CTNNA3: variants seen among roughly 807,000 people sequenced by gnomAD.
CTNNA3 encodes the protein catenin alpha 3, also known as catenin alpha-3.
Under a neutral mutation model 95.7 loss-of-function variants are expected in CTNNA3, and 76 were observed. The observed-to-expected ratio is 0.79, with a 90% CI of 0.66 to 0.96. The LOEUF is 0.96. Ranked by LOEUF, CTNNA3 falls within the 40% of genes least tolerant of loss-of-function variation. The pLI, the probability that CTNNA3 is intolerant of heterozygous loss-of-function variation, is 0.00. For missense variants in CTNNA3, 1,191 were observed against 1,089.8 expected (o/e 1.09, Z -1.31); for synonymous variants, 431 against 374.4 (o/e 1.15, Z -1.74).
In CTNNA3 at chr10:65,914,817, G is replaced by A. The variant is rs1018801284; in HGVS notation, c.*5513C>T. 2.6e-5 allele frequency: 4 copies of A among 152,058 alleles called. No individual in the cohort carries two copies. The highest frequency in any genetic ancestry group is 5.9e-5 in the Non-Finnish European group (4 of 68,004). 9.4% of individuals were successfully genotyped at this position (152,058 alleles called of 1,614,324 possible). A position where few individuals can be genotyped will look rare whatever the true frequency, so the allele number is the denominator to read the frequency against. On this transcript the variant is annotated 3_prime_UTR_variant, in exon 18 of 18. Transcript: ENST00000433211. ...ATCACGTAAATAACTTACTTCCCAT[G>A]TACCTGACACTCTACATTCAGTTAA...
At chr10:66,871,651 G>A (rs1844415674) in intron 7 of CTNNA3, among the ~76,000 whole-genome samples, 1 of 151,434 alleles carries the variant, frequency 6.6e-6, no homozygotes, top group Non-Finnish European at 1.5e-5. Flanking sequence ...TCAAAATTTG[G>A]AGATAAAAGC....
chr10:67,679,156 C>T (rs888755498), intron 1 of CTNNA3, among the ~76,000 whole-genome samples: 1 of 152,098 alleles, frequency 6.6e-6, no homozygotes, highest in African/African-American at 2.4e-5. Context: ...GGGTATATTC[C>T]ATTAAAGCAG....
At chr10:66,815,802 A>G (rs1008310151) in intron 7 of CTNNA3, among the ~76,000 whole-genome samples, 1 of 152,214 alleles carries the variant, frequency 6.6e-6, no homozygotes, top group African/African-American at 2.4e-5. Flanking sequence ...TCTCAGGAAA[A>G]GAAAAAGTGA....
chr10:66,739,394 T>C lies in CTNNA3; in HGVS notation c.1281+26870A>G, dbSNP rs1310759898. Reference sequence around the variant, plus strand: ...GCACCAAATTTCAGAATCCCTAACTTACAGCAATTCTTCCAAGGGAGCTCA... The same window carrying C: ...GCACCAAATTTCAGAATCCCTAACTCACAGCAATTCTTCCAAGGGAGCTCA... On this transcript the variant is annotated intron_variant, in intron 9 of 17. Coordinates refer to ENST00000433211, the MANE Select transcript of CTNNA3 (RefSeq NM_013266.4). 2.0e-5 allele frequency among the ~76,000 whole-genome samples: 3 copies of C among 152,180 alleles called. No individual in the cohort carries two copies. The East Asian group carries it at 5.8e-4, about 29-fold the overall frequency.
chr10:67,227,740 ACACATTTTATTCAACAG>A (rs1864993560), intron 5 of CTNNA3, among the ~76,000 whole-genome samples: 1 of 152,168 alleles, frequency 6.6e-6, no homozygotes, highest in Non-Finnish European at 1.5e-5. Flanking sequence ...ACCACAAAAT[ACACATTTTATTCAACAG>A]CACATGGAAC....
intron 5 of CTNNA3, among the ~76,000 whole-genome samples, chr10:67,303,013 AC>A (rs1202162186): frequency 6.6e-6 from 1 of 152,236 alleles, no homozygotes; most frequent in Non-Finnish European, 1.5e-5. Context: ...TTTGGACCTC[AC>A]CCGAGACCTA....
chr10:67,097,898 C>T (rs904295284), intron 7 of CTNNA3: 5 of 976,632 alleles, frequency 5.1e-6, no homozygotes, highest in African/African-American at 1.6e-5. Flanking sequence ...AAACAAAACA[C>T]AAAATCCCCT....
chr10:67,570,584 T>A (rs1227552740), intron 3 of CTNNA3, among the ~76,000 whole-genome samples: 6 of 152,186 alleles, frequency 3.9e-5, no homozygotes, highest in Non-Finnish European at 8.8e-5. Context: ...ACATTACTGC[T>A]GTAACCTTTT....
chr10:67,573,341 C>T (rs76467410), intron 3 of CTNNA3, among the ~76,000 whole-genome samples: 2,348 of 152,182 alleles, frequency 0.015, 67 homozygotes, highest in African/African-American at 0.052. Flanking sequence ...GCAGCCTGGA[C>T]AGAAAAGGAA....
intron 3 of CTNNA3, among the ~76,000 whole-genome samples, chr10:67,598,888 C>T (rs1843000742): frequency 6.6e-6 from 1 of 151,960 alleles, no homozygotes; most frequent in Non-Finnish European, 1.5e-5. Flanking sequence ...TAAAGGTACA[C>T]ATGAATTTTT....
At chr10:65,990,487 G>C (rs538471440) in intron 15 of CTNNA3, among the ~76,000 whole-genome samples, 26 of 150,212 alleles carry the variant, frequency 1.7e-4, no homozygotes, top group Non-Finnish European at 3.0e-4. Context: ...AATTAGTGAT[G>C]TTGAGCATGT....
intron 7 of CTNNA3, among the ~76,000 whole-genome samples, chr10:67,063,506 A>G (rs529398520): frequency 6.6e-6 from 1 of 152,362 alleles, no homozygotes; most frequent in South Asian, 2.1e-4. Flanking sequence ...ACGAACAGGC[A>G]GGTAATAGAG....
intron 7 of CTNNA3, among the ~76,000 whole-genome samples, chr10:66,899,942 A>C (rs1384241479): frequency 6.6e-6 from 1 of 152,182 alleles, no homozygotes; most frequent in Non-Finnish European, 1.5e-5. Context: ...AACAAAAGGC[A>C]GCAGACAACT....
intron 13 of CTNNA3, among the ~76,000 whole-genome samples, chr10:66,228,753 C>T (rs568920945): frequency 3.9e-5 from 6 of 152,002 alleles, no homozygotes; most frequent in Admixed American, 6.5e-5. Flanking sequence ...CTGAAGTCCC[C>T]GACTATTTGT....
Position 66,852,433 on chromosome 10 carries a change from C to T in CTNNA3, c.1048-76909G>A, listed in dbSNP as rs1015506634. On this transcript the variant is annotated intron_variant, in intron 7 of 17. Coordinates refer to ENST00000433211, the MANE Select transcript of CTNNA3 (RefSeq NM_013266.4). ...AAAGAAAGCAATATATACTTGTGTT[C>T]AGAAATATATTCAAGAATAAAACAT... is the stretch of plus-strand genomic sequence containing the variant. Among the ~76,000 whole-genome samples, 5 of 151,932 alleles carry T rather than the reference C, an allele frequency of 3.3e-5. No individual in the cohort carries two copies. In the South Asian group the frequency reaches 1.0e-3, roughly 32 times the overall value.
chr10:66,675,552 C>T, intron 9 of CTNNA3, among the ~76,000 whole-genome samples: 1 of 152,024 alleles, frequency 6.6e-6, no homozygotes, highest in East Asian at 1.9e-4. Flanking sequence ...AAGTAAATAG[C>T]TGTCAACATG....
intron 3 of CTNNA3, among the ~76,000 whole-genome samples, chr10:67,601,308 A>G (rs1013805353): frequency 6.6e-6 from 1 of 152,164 alleles, no homozygotes; most frequent in Admixed American, 6.5e-5. Flanking sequence ...TGGTTTCAGG[A>G]TGAAACCATT....
At chr10:67,071,546 G>T (rs1856466761) in intron 7 of CTNNA3, among the ~76,000 whole-genome samples, 1 of 150,928 alleles carries the variant, frequency 6.6e-6, no homozygotes, top group Middle Eastern at 3.4e-3. Context: ...TTAAGATCTT[G>T]TTATCTGGTT....
chr10:67,641,307 A>G (rs1457026225), intron 2 of CTNNA3, among the ~76,000 whole-genome samples: 2 of 152,200 alleles, frequency 1.3e-5, no homozygotes, highest in Non-Finnish European at 2.9e-5. Flanking sequence ...CCACAATGAG[A>G]TACCATCTCA....
Sources: allele counts gnomAD v4.1 joint callset (sites outside exome capture counted in the v4.1 genomes callset), GRCh38; gene constraint gnomAD v4.1.1; transcripts MANE v1.5; gene names NCBI Gene and HGNC (gene_info 2026-07-23, HGNC 2026-07-21).